Variants in HECW2 observed in about 807,000 individuals in gnomAD.
HECW2 encodes the protein E3 ubiquitin-protein ligase HECW2.
Under a neutral mutation model 175.2 loss-of-function variants are expected in HECW2, and 61 were observed. That is an observed-to-expected ratio of 0.35 (90% CI 0.28 to 0.43). The LOEUF is 0.43. Among genes scored for constraint, HECW2 ranks in the 20% least tolerant of loss-of-function variants. The probability of loss-of-function intolerance (pLI) is 1.00; values close to 1 mark genes in which losing one functional copy is unlikely to be tolerated. For missense variants in HECW2, 1,524 were observed against 2,000.5 expected (o/e 0.76, Z 4.54); for synonymous variants, 671 against 731.0 (o/e 0.92, Z 1.32).
chr2:196,460,798 T>G (rs1053839071), intron 1 of HECW2, among the ~76,000 whole-genome samples: 12 of 114,354 alleles, frequency 1.0e-4, no homozygotes, highest in Admixed American at 3.3e-4. Context: ...TTTTTTTTTT[T>G]TTTTTTTGGA....
chr2:196,401,956 T>G (rs1161670023), intron 2 of HECW2, among the ~76,000 whole-genome samples: 1 of 151,774 alleles, frequency 6.6e-6, no homozygotes, highest in Non-Finnish European at 1.5e-5. Flanking sequence ...ATCCCAGCAC[T>G]TTGGGAGGCT....
At chr2:196,395,494 G>C (rs1028849956) in intron 2 of HECW2, among the ~76,000 whole-genome samples, 2 of 152,048 alleles carry the variant, frequency 1.3e-5, no homozygotes, top group Non-Finnish European at 2.9e-5. Context: ...AATATATAAA[G>C]AACTCCTACA....
rs1686688544 is a variant in HECW2, at chr2:196,196,326, C to T, written c.*4951G>A. The T allele has an allele frequency of 6.6e-6, 1 of 152,196 alleles. No homozygotes were observed. Among genetic ancestry groups the T allele is most frequent in the Non-Finnish European group, 1.5e-5 (1 of 68,050 alleles). 9.4% of individuals were successfully genotyped at this position (152,196 alleles called of 1,614,324 possible). On this transcript the variant is annotated 3_prime_UTR_variant, in exon 29 of 29. Coordinates refer to ENST00000644978, the MANE Select transcript of HECW2 (RefSeq NM_001348768.2). ...AGAAAGCTTTAATGTCTTCAGCATT[C>T]CTTTGCATCCATACTAGACAAACAA...
intron 2 of HECW2, among the ~76,000 whole-genome samples, chr2:196,370,181 C>T (rs889580528): frequency 1.3e-5 from 2 of 152,024 alleles, no homozygotes; most frequent in African/African-American, 4.8e-5. Flanking sequence ...ATGGTGAGTA[C>T]TACCTGGATA....
At chr2:196,336,028 G>C (rs569363123) in intron 3 of HECW2, among the ~76,000 whole-genome samples, 19 of 152,312 alleles carry the variant, frequency 1.2e-4, no homozygotes, top group African/African-American at 4.6e-4. Flanking sequence ...GGTGGAGTCA[G>C]AAAGGTGTCA....
intron 14 of HECW2, among the ~76,000 whole-genome samples, chr2:196,283,972 C>T (rs1690287818): frequency 6.6e-6 from 1 of 152,146 alleles, no homozygotes; most frequent in Non-Finnish European, 1.5e-5. Context: ...CCCCAAAGCC[C>T]AATGAGCAAT....
chr2:196,388,627 T>C (rs1487372410), intron 2 of HECW2, among the ~76,000 whole-genome samples: 1 of 152,210 alleles, frequency 6.6e-6, no homozygotes, highest in Non-Finnish European at 1.5e-5. Context: ...ACTGCTATGC[T>C]ATGCTACTCT....
chr2:196,507,373 A>G lies in HECW2; in HGVS notation c.-35-73915T>C, dbSNP rs183155373. ...TAACATGACCAAAGTCTTAGAACTC[A>G]TATGTTTAGAGCAGTGGTTCTCAGC... On this transcript the variant is annotated intron_variant, in intron 1 of 28. Coordinates refer to ENST00000644978, the MANE Select transcript of HECW2 (RefSeq NM_001348768.2). 5.2e-3 allele frequency among the ~76,000 whole-genome samples: 790 copies of G among 152,346 alleles called. 3 individuals are homozygous for G. The highest frequency in any genetic ancestry group is 8.2e-3 in the Non-Finnish European group (557 of 68,024).
At chr2:196,590,234 G>C (rs982292895) in intron 1 of HECW2, among the ~76,000 whole-genome samples, 1 of 152,082 alleles carries the variant, frequency 6.6e-6, no homozygotes, top group Non-Finnish European at 1.5e-5. Context: ...GAGTAAACTG[G>C]CACTGTCACA....
chr2:196,215,114 T>C (rs941691274), intron 28 of HECW2, among the ~76,000 whole-genome samples: 2 of 152,240 alleles, frequency 1.3e-5, no homozygotes, highest in African/African-American at 4.8e-5. Flanking sequence ...ACAAATTTTC[T>C]TCCATTCCTC....
rs539710026 is a variant in HECW2, at chr2:196,320,169, C to G, written c.985+170G>C. On this transcript the variant is annotated intron_variant, in intron 8 of 28. Coordinates refer to ENST00000644978, the MANE Select transcript of HECW2 (RefSeq NM_001348768.2). ...AATCTAAGAGACATTTTTGGGCAAA[C>G]AGCCTTTCCTACTTGCTTAGAAAAT... 2.0e-5 allele frequency among the ~76,000 whole-genome samples: 3 copies of G among 152,310 alleles called. No individual in the cohort carries two copies. The South Asian group carries it at 6.2e-4, about 32-fold the overall frequency.
chr2:196,238,365 T>C (rs1294767951), intron 21 of HECW2: 1 of 152,258 alleles, frequency 6.6e-6, no homozygotes, highest in Non-Finnish European at 1.5e-5. Flanking sequence ...TTCATTTTCA[T>C]GTGATAGAGT....
At position 196,434,454 on chromosome 2, in the gene HECW2, TAGAC is replaced by T. The variant is rs375974517; in HGVS notation, c.-35-1000_-35-997del. Among the ~76,000 whole-genome samples the T allele has an allele frequency of 9.2e-5, 14 of 152,304 alleles. No individual in the cohort carries two copies. In the East Asian group the frequency reaches 9.7e-4, roughly 11 times the overall value. On this transcript the variant is annotated intron_variant, in intron 1 of 28. Transcript: ENST00000644978. ...GAACAAGGCCTTCCCTGTTGGAACT[TAGAC>T]AGCCCCTTTTTGGCTCACTGAGTCT...
intron 2 of HECW2, among the ~76,000 whole-genome samples, chr2:196,396,283 G>C (rs1009974526): frequency 2.6e-5 from 4 of 152,256 alleles, no homozygotes; most frequent in Non-Finnish European, 5.9e-5. Flanking sequence ...ACAAGCAATA[G>C]CACAAAAGTA....
Position 196,292,575 on chromosome 2 carries a change from T to C in HECW2, c.2990A>G (p.His997Arg). ...LPRGWEMKHDHQGKAFFVDHN... is the reference protein window; with the variant it reads ...LPRGWEMKHDRQGKAFFVDHN... ...TCTCCCTCGTGTTACCTTGCCCTGG[T>C]GATCATGTTTCATTTCCCATCCCCG... The change falls in exon 14 of 29, where the codon CAC (histidine) becomes CGC (arginine). Residue 997 changes from histidine (H) to arginine (R), a missense_variant. Coordinates refer to ENST00000644978, the MANE Select transcript of HECW2 (RefSeq NM_001348768.2). 6.2e-7 allele frequency: 1 copy of C among 1,613,036 alleles called. No individual in the cohort carries two copies.
At chr2:196,555,706 G>A (rs1426099317) in intron 1 of HECW2, among the ~76,000 whole-genome samples, 1 of 152,146 alleles carries the variant, frequency 6.6e-6, no homozygotes, top group East Asian at 1.9e-4. Flanking sequence ...AAAGAGTTAA[G>A]TATTTTTTAA....
intron 17 of HECW2, chr2:196,260,213 T>C (rs1269357914): frequency 6.6e-6 from 1 of 152,216 alleles, no homozygotes; most frequent in African/African-American, 2.4e-5. Flanking sequence ...ACTAGCAGTC[T>C]GTGAAGGCAA....
chr2:196,380,489 GC>G (rs1694177761), intron 2 of HECW2, among the ~76,000 whole-genome samples: 1 of 152,070 alleles, frequency 6.6e-6, no homozygotes. Context: ...TCCCTTATGT[GC>G]CCCAAGTGGT....
intron 2 of HECW2, among the ~76,000 whole-genome samples, chr2:196,354,487 G>A (rs1452405823): frequency 3.3e-5 from 5 of 152,252 alleles, no homozygotes; most frequent in Non-Finnish European, 7.3e-5. Context: ...CTGGTGGGCT[G>A]ACTAGACAGG....
Sources: allele counts gnomAD v4.1 joint callset (sites outside exome capture counted in the v4.1 genomes callset), GRCh38; gene constraint gnomAD v4.1.1; transcripts MANE v1.5; gene names NCBI Gene and HGNC (gene_info 2026-07-23, HGNC 2026-07-21).